RPH3A: variants seen among roughly 807,000 people sequenced by gnomAD.
RPH3A encodes the protein rabphilin 3A, also known as rabphilin-3A.
A neutral mutation model predicts 102.2 loss-of-function variants in RPH3A; 48 were observed. That is an observed-to-expected ratio of 0.47 (90% confidence interval 0.37 to 0.60). The LOEUF (loss-of-function observed/expected upper bound fraction) is 0.60, where lower values mean the gene tolerates loss of function less well. RPH3A is among the 20% of genes least tolerant of loss of function. RPH3A has a pLI of 0.00. For missense variants in RPH3A, 781 were observed against 910.1 expected (o/e 0.86, Z 1.83); for synonymous variants, 310 against 324.3 (o/e 0.96, Z 0.47).
chr12:112,741,497 G>T lies in RPH3A; in HGVS notation c.-139-50646G>T, dbSNP rs145704597. Among the ~76,000 whole-genome samples, 680 of 152,250 alleles carry T rather than the reference G, an allele frequency of 4.5e-3. 4 individuals are homozygous for T. Among genetic ancestry groups the T allele is most frequent in the Middle Eastern group, 0.02 (6 of 294 alleles). On this transcript the variant is annotated intron_variant, in intron 1 of 21. Coordinates refer to the RPH3A transcript ENST00000543106. The stretch of plus-strand genomic sequence containing the variant: ...GACATAGAGCTGTCTTTGTTTAGAA[G>T]ACCGCTTTAATGAGAGTTTGGGGAG...
intron 5 of RPH3A, among the ~76,000 whole-genome samples, chr12:112,854,980 G>A (rs1362453986): frequency 2.0e-5 from 3 of 152,100 alleles, no homozygotes; most frequent in Non-Finnish European, 4.4e-5. Context: ...CAGTTGAACA[G>A]TTCATTCCTC....
At chr12:112,627,868 G>A (rs917423223) in intron 1 of RPH3A, among the ~76,000 whole-genome samples, 1 of 151,988 alleles carries the variant, frequency 6.6e-6, no homozygotes, top group South Asian at 2.1e-4. Context: ...TACTTGGCTC[G>A]TGGTCCCACA....
At chr12:112,858,455 G>A (rs1723018165) in intron 5 of RPH3A, among the ~76,000 whole-genome samples, 1 of 151,958 alleles carries the variant, frequency 6.6e-6, no homozygotes, top group African/African-American at 2.4e-5. Context: ...CAGCCTCCCA[G>A]CCATGCTGAG....
intron 4 of RPH3A, among the ~76,000 whole-genome samples, chr12:112,846,434 C>T (rs1421316223): frequency 6.6e-6 from 1 of 152,214 alleles, no homozygotes; most frequent in Non-Finnish European, 1.5e-5. Flanking sequence ...ACAAGACTTG[C>T]CCCAAGACAT....
chr12:112,788,819 A>G (rs1255067771), upstream of RPH3A, among the ~76,000 whole-genome samples: 2 of 152,176 alleles, frequency 1.3e-5, no homozygotes, highest in Non-Finnish European at 2.9e-5. Context: ...CCAGCATCCT[A>G]AATGACTTTC....
chr12:112,705,136 A>C lies in RPH3A; in HGVS notation c.-139-87007A>C, dbSNP rs887509054. On this transcript the variant is annotated intron_variant, in intron 1 of 21. Coordinates refer to the RPH3A transcript ENST00000543106. ...TACAACATGGCTCACCACCATGTCC[A>C]TATGCCAGCCAGTTAAAAGGGAGAA... Among the ~76,000 whole-genome samples the C allele has an allele frequency of 1.2e-4, 18 of 152,186 alleles. 1 individual carries two copies. Among genetic ancestry groups the C allele is most frequent in the Non-Finnish European group, 5.9e-5 (4 of 68,038 alleles).
chr12:112,667,079 A>C (rs1468996138), intron 1 of RPH3A, among the ~76,000 whole-genome samples: 2 of 152,086 alleles, frequency 1.3e-5, no homozygotes, highest in Non-Finnish European at 2.9e-5. Context: ...CCAGCCACAA[A>C]GGCTTTTTCC....
At chr12:112,622,810 AAGGTC>A (rs2039741433) in intron 1 of RPH3A, among the ~76,000 whole-genome samples, 1 of 135,056 alleles carries the variant, frequency 7.4e-6, no homozygotes, top group East Asian at 2.3e-4. Flanking sequence ...GCCAGAGAGA[AAGGTC>A]GGGTTACCCT....
intron 5 of RPH3A, among the ~76,000 whole-genome samples, chr12:112,864,975 A>G (rs953485708): frequency 6.6e-6 from 1 of 152,194 alleles, no homozygotes; most frequent in Non-Finnish European, 1.5e-5. Context: ...AAGACTGGGA[A>G]GCAGGTTTGC....
intron 1 of RPH3A, among the ~76,000 whole-genome samples, chr12:112,622,628 C>T (rs1566232607): frequency 6.6e-6 from 1 of 151,178 alleles, no homozygotes; most frequent in African/African-American, 2.4e-5. Flanking sequence ...AGTTGGAAAA[C>T]ACTCTGCAGG....
At chr12:112,892,426 A>G (rs955095509) in intron 19 of RPH3A, among the ~76,000 whole-genome samples, 6 of 152,212 alleles carry the variant, frequency 3.9e-5, no homozygotes, top group African/African-American at 1.4e-4. Context: ...AAGTTTGGGT[A>G]GAAACAATCT....
intron 3 of RPH3A, among the ~76,000 whole-genome samples, chr12:112,829,022 T>C (rs1042371276): frequency 6.6e-5 from 10 of 152,198 alleles, no homozygotes; most frequent in Non-Finnish European, 1.2e-4. Context: ...CCATCATTCC[T>C]TGTTGGTCTC....
chr12:112,876,297 C>T (rs565474242), intron 12 of RPH3A, among the ~76,000 whole-genome samples: 1 of 152,278 alleles, frequency 6.6e-6, no homozygotes, highest in East Asian at 1.9e-4. Context: ...TTAAAAAATA[C>T]TATTATTTGA....
At chr12:112,828,110 G>A (rs901047109) in intron 2 of RPH3A, among the ~76,000 whole-genome samples, 191 bp from the exon 3 acceptor site, 5 of 152,080 alleles carry the variant, frequency 3.3e-5, no homozygotes, top group East Asian at 1.9e-4. Context: ...TTCTTGCCAC[G>A]GGGTAGCTGT....
intron 1 of RPH3A, among the ~76,000 whole-genome samples, chr12:112,691,329 TA>T (rs201263882): frequency 2.0e-5 from 3 of 151,548 alleles, no homozygotes; most frequent in South Asian, 2.1e-4. Flanking sequence ...TCTTTCAGTG[TA>T]AAAAAAAGCC....
chr12:112,683,174 GGT>G (rs1439097264), intron 1 of RPH3A, among the ~76,000 whole-genome samples: 1 of 152,148 alleles, frequency 6.6e-6, no homozygotes, highest in Admixed American at 6.5e-5. Flanking sequence ...TGGTGTAGGG[GGT>G]GGTTACGGGC....
intron 1 of RPH3A, among the ~76,000 whole-genome samples, chr12:112,701,671 T>G (rs1450135335): frequency 1.3e-5 from 2 of 152,220 alleles, no homozygotes; most frequent in Non-Finnish European, 2.9e-5. Flanking sequence ...TTTAGCTCAA[T>G]GAGTTCTAAT....
At position 112,688,967 on chromosome 12, in the gene RPH3A, G is replaced by C. The variant is rs1025557451; in HGVS notation, c.-139-103176G>C. Reference sequence around the variant, plus strand: ...TAGTAAGTGGTTGCACACTTACTAAGAAAGACTAAAATTTAGATCTTTTAA... The same window carrying C: ...TAGTAAGTGGTTGCACACTTACTAACAAAGACTAAAATTTAGATCTTTTAA... On this transcript the variant is annotated intron_variant, in intron 1 of 21. Coordinates refer to the RPH3A transcript ENST00000543106. Among the ~76,000 whole-genome samples the C allele has an allele frequency of 2.0e-5, 3 of 152,218 alleles. No homozygotes were observed. In the South Asian group the frequency reaches 6.2e-4, roughly 31 times the overall value.
intron 5 of RPH3A, among the ~76,000 whole-genome samples, chr12:112,863,982 G>A (rs539206149): frequency 7.9e-4 from 121 of 152,320 alleles, no homozygotes; most frequent in Admixed American, 2.4e-3. Flanking sequence ...GCCTGGCCCC[G>A]GGGAACTCAT....
Sources: allele counts gnomAD v4.1 joint callset (sites outside exome capture counted in the v4.1 genomes callset), GRCh38; gene constraint gnomAD v4.1.1; transcripts MANE v1.5; gene names NCBI Gene and HGNC (gene_info 2026-07-23, HGNC 2026-07-21).